ATG7: variants seen among roughly 807,000 people sequenced by gnomAD.
The protein encoded by ATG7 is ubiquitin-like modifier-activating enzyme ATG7.
A neutral mutation model predicts 82.4 loss-of-function variants in ATG7; 70 were observed. The ratio of observed to expected loss-of-function variants is 0.85; its 90% confidence interval spans 0.70 to 1.04. The LOEUF is 1.04. Ranked by LOEUF, ATG7 falls within the 50% of genes least tolerant of loss-of-function variation. The pLI is 0.00. For synonymous variants in ATG7, 287 were observed against 313.0 expected, an observed-to-expected ratio of 0.92 and a Z score of 0.88; for missense variants, 792 against 864.3, an observed-to-expected ratio of 0.92 and a Z score of 1.05.
intron 20 of ATG7, among the ~76,000 whole-genome samples, chr3:11,451,691 G>C (rs1376659321): frequency 6.6e-6 from 1 of 151,078 alleles, no homozygotes; most frequent in African/African-American, 2.4e-5. Flanking sequence ...CTATGAAGGC[G>C]GACACAGATT....
At chr3:11,341,144 C>T (rs572826563) in intron 12 of ATG7, among the ~76,000 whole-genome samples, 1 of 152,134 alleles carries the variant, frequency 6.6e-6, no homozygotes, top group Non-Finnish European at 1.5e-5. Context: ...TCACTGCAAC[C>T]TCTGCCTCCT....
intron 20 of ATG7, among the ~76,000 whole-genome samples, chr3:11,540,431 A>T (rs546838216): frequency 6.6e-6 from 1 of 152,178 alleles, no homozygotes; most frequent in South Asian, 2.1e-4. Flanking sequence ...ATTGAACTGT[A>T]AGAGTTCTTC....
At chr3:11,407,515 GTGGGGGC>G (rs2080460963) in intron 19 of ATG7, among the ~76,000 whole-genome samples, 1 of 152,216 alleles carries the variant, frequency 6.6e-6, no homozygotes, top group South Asian at 2.1e-4. Context: ...GGAACTCTGT[GTGGGGGC>G]TCTCACCCCA....
At chr3:11,356,803 G>C (rs540302626) in intron 14 of ATG7, among the ~76,000 whole-genome samples, 1 of 152,166 alleles carries the variant, frequency 6.6e-6, no homozygotes, top group African/African-American at 2.4e-5. Context: ...AATACTTAAT[G>C]GATTAATTAA....
intron 20 of ATG7, among the ~76,000 whole-genome samples, chr3:11,518,633 T>G (rs1171137182): frequency 6.6e-6 from 1 of 152,108 alleles, no homozygotes; most frequent in African/African-American, 2.4e-5. Flanking sequence ...TACATCAGAC[T>G]TTGACCAGAA....
chr3:11,282,538 T>A (rs903612506), intron 3 of ATG7, 100 bp downstream of exon 3: 1 of 152,218 alleles, frequency 6.6e-6, no homozygotes, highest in African/African-American at 2.4e-5. Context: ...CAAACCAATT[T>A]GGCTGACTTG....
intron 20 of ATG7, among the ~76,000 whole-genome samples, chr3:11,464,519 G>A (rs530214086): frequency 6.6e-6 from 1 of 152,306 alleles, no homozygotes; most frequent in East Asian, 1.9e-4. Flanking sequence ...CTGGTTCCTA[G>A]GACACCAGCA....
chr3:11,317,584 C>CTTTTTTTTTTTT (rs370026914), intron 9 of ATG7, among the ~76,000 whole-genome samples: 244 of 114,444 alleles, frequency 2.1e-3, no homozygotes, highest in Middle Eastern at 5.0e-3. Flanking sequence ...TTCTTTCTTT[C>CTTTTTTTTTTTT]TTTTTTTTTT....
the ATG7 span, among the ~76,000 whole-genome samples, chr3:11,571,555 C>T: frequency 6.6e-6 from 1 of 151,756 alleles, no homozygotes; most frequent in East Asian, 2.0e-4. Flanking sequence ...ATGGTAGCGC[C>T]TGTAATCCCA....
chr3:11,395,616 C>T (rs971322012), intron 19 of ATG7, among the ~76,000 whole-genome samples: 3 of 152,102 alleles, frequency 2.0e-5, no homozygotes, highest in African/African-American at 4.8e-5. Flanking sequence ...AAACGCATCC[C>T]ACAATTTTAA....
In ATG7 at chr3:11,556,182, A is replaced by G. The variant is rs779079754; in HGVS notation, c.*1339A>G. On this transcript the variant is annotated 3_prime_UTR_variant, in exon 21 of 21. Coordinates refer to ENST00000693202, the MANE Select transcript of ATG7 (RefSeq NM_001349232.2). ...GGAAAAACAGGCCACAGAGAATGGT[A>G]TATTACAGATTTACACACATGAAGA... 2.0e-5 allele frequency: 3 copies of G among 152,572 alleles called. No individual in the cohort carries two copies. The highest frequency in any genetic ancestry group is 2.9e-5 in the Non-Finnish European group (2 of 68,004). The allele number at this position is 152,572 out of a possible 1,614,324, so 9.5% of individuals were successfully genotyped here.
chr3:11,336,399 A>T (rs1952500172), intron 11 of ATG7, among the ~76,000 whole-genome samples: 1 of 152,196 alleles, frequency 6.6e-6, no homozygotes. Flanking sequence ...TCTGTCGTCC[A>T]CTAATGCCTT....
intron 20 of ATG7, among the ~76,000 whole-genome samples, chr3:11,463,921 A>G (rs2086582542): frequency 6.6e-6 from 1 of 152,210 alleles, no homozygotes; most frequent in South Asian, 2.1e-4. Flanking sequence ...TGTGGGGGAA[A>G]AAGCAGTTTC....
At chr3:11,513,285 G>T (rs750735888) in intron 20 of ATG7, among the ~76,000 whole-genome samples, 2 of 152,244 alleles carry the variant, frequency 1.3e-5, no homozygotes, top group African/African-American at 4.8e-5. Flanking sequence ...ACTGGGCGCC[G>T]TGGAGCAGGG....
At chr3:11,362,219 T>C (rs1299833706) in intron 16 of ATG7, among the ~76,000 whole-genome samples, 2 of 152,148 alleles carry the variant, frequency 1.3e-5, no homozygotes, top group African/African-American at 4.8e-5. Flanking sequence ...ATGGTTAGAC[T>C]CTCTTTGGTT....
At position 11,358,408 on chromosome 3, in the gene ATG7, G is replaced by A. The variant is rs199926572; in HGVS notation, c.1285-10G>A. The A allele has an allele frequency of 5.0e-6, 8 of 1,609,382 alleles. No individual in the cohort carries two copies. Among genetic ancestry groups the A allele is most frequent in the Non-Finnish European group, 6.8e-6 (8 of 1,177,554 alleles). The stretch of plus-strand genomic sequence containing the variant: ...GCTCCAGACATAACTACGTCCTGGT[G>A]TTTCCCTAGAATGCCAGAGGATTCA... On this transcript the variant is annotated splice_polypyrimidine_tract_variant and intron_variant, in intron 14 of 20. Transcript: ENST00000693202.
chr3:11,470,227 A>G (rs183562814), intron 20 of ATG7, among the ~76,000 whole-genome samples: 99 of 152,280 alleles, frequency 6.5e-4, no homozygotes, highest in African/African-American at 2.3e-3. Flanking sequence ...ACATCACTTA[A>G]CGATGGGGAT....
intron 20 of ATG7, among the ~76,000 whole-genome samples, chr3:11,441,105 G>T (rs2083906450): frequency 6.6e-6 from 1 of 152,024 alleles, no homozygotes. Context: ...AACTGCTGTG[G>T]GATATTTTTG....
intron 19 of ATG7, among the ~76,000 whole-genome samples, chr3:11,412,762 A>G (rs907471285): frequency 6.6e-6 from 1 of 152,240 alleles, no homozygotes; most frequent in Admixed American, 6.5e-5. Context: ...GAATCTGTAG[A>G]TTTCCTTGGG....
Sources: gnomAD v4.1 joint callset for allele counts (sites outside exome capture counted in the v4.1 genomes callset) on GRCh38, gnomAD v4.1.1 for gene constraint, MANE v1.5 for transcripts, NCBI Gene and HGNC (gene_info 2026-07-23, HGNC 2026-07-21) for gene names.